The following IL15 variants were observed in gnomAD, a reference collection of about 807,000 sequenced individuals.
IL15 encodes the protein interleukin-15.
A neutral mutation model predicts 19.6 loss-of-function variants in IL15; 11 were observed. The observed-to-expected ratio is 0.56, with a 90% CI of 0.35 to 0.93. The LOEUF (loss-of-function observed/expected upper bound fraction) is 0.93. Among genes scored for constraint, IL15 ranks in the 40% least tolerant of loss-of-function variants. The probability of loss-of-function intolerance (pLI) is 0.01; values close to 1 mark genes in which losing one functional copy is unlikely to be tolerated. For missense variants in IL15, 197 were observed against 186.5 expected, an observed-to-expected ratio of 1.06 and a Z score of -0.33; for synonymous variants, 58 against 59.6, an observed-to-expected ratio of 0.97 and a Z score of 0.12.
At chr4:141,666,437 C>A (rs886383853) in intron 2 of IL15, among the ~76,000 whole-genome samples, 2 of 152,184 alleles carry the variant, frequency 1.3e-5, no homozygotes, top group African/African-American at 4.8e-5. Flanking sequence ...CCCAGTGCAG[C>A]CTTGACCTCC....
intron 5 of IL15, 67 bp from the exon 6 acceptor site, chr4:141,727,873 A>G: frequency 1.4e-6 from 1 of 737,562 alleles, no homozygotes; most frequent in Non-Finnish European, 2.4e-6. Context: ...TGTTTTCAGT[A>G]GGTTGTTCTC....
At chr4:141,676,800 G>A in intron 2 of IL15, among the ~76,000 whole-genome samples, 1 of 151,496 alleles carries the variant, frequency 6.6e-6, no homozygotes. Flanking sequence ...ATGGGGTAAA[G>A]GATTTCAGGA....
intron 1 of IL15, among the ~76,000 whole-genome samples, chr4:141,651,558 C>G (rs1727407254): frequency 6.6e-6 from 1 of 152,012 alleles, no homozygotes; most frequent in African/African-American, 2.4e-5. Flanking sequence ...AACAAAACTG[C>G]CTTTGTATGC....
intron 2 of IL15, among the ~76,000 whole-genome samples, chr4:141,708,619 GAA>G (rs1729604003): frequency 6.6e-6 from 1 of 152,106 alleles, no homozygotes; most frequent in Middle Eastern, 3.2e-3. Flanking sequence ...CCCATAAGAA[GAA>G]GTCTCCCTGA....
At chr4:141,641,502 T>A (rs1727040856) in intron 1 of IL15, among the ~76,000 whole-genome samples, 1 of 152,080 alleles carries the variant, frequency 6.6e-6, no homozygotes, top group African/African-American at 2.4e-5. Flanking sequence ...CATAGAATAC[T>A]ATGCAGCCAT....
chr4:141,675,162 C>A (rs1263169520), intron 2 of IL15, among the ~76,000 whole-genome samples: 11 of 150,122 alleles, frequency 7.3e-5, no homozygotes, highest in South Asian at 2.1e-4. Flanking sequence ...AAAAAAAAAA[C>A]CAGATGAACA....
At chr4:141,725,803 G>A (rs1238397121) in intron 5 of IL15, among the ~76,000 whole-genome samples, 1 of 152,090 alleles carries the variant, frequency 6.6e-6, no homozygotes, top group East Asian at 1.9e-4. Flanking sequence ...TGAGTTTTCT[G>A]TTGCTTATAA....
chr4:141,721,133 C>A, intron 4 of IL15: 3 of 1,507,734 alleles, frequency 2.0e-6, no homozygotes, highest in Non-Finnish European at 2.7e-6. Context: ...TTCAGTTTTA[C>A]TCTACTAATG....
chr4:141,649,423 C>A (rs1483001343), intron 1 of IL15, among the ~76,000 whole-genome samples: 4 of 151,984 alleles, frequency 2.6e-5, no homozygotes, highest in Non-Finnish European at 5.9e-5. Context: ...CAGGGACTAC[C>A]AGTAGGAAGT....
At chr4:141,661,804 G>A (rs1168936610) in intron 2 of IL15, among the ~76,000 whole-genome samples, 1 of 151,468 alleles carries the variant, frequency 6.6e-6, no homozygotes, top group African/African-American at 2.4e-5. Flanking sequence ...TTTTGTTATT[G>A]TTGTTGTTGC....
intron 2 of IL15, chr4:141,714,623 G>C (rs1190255635): frequency 6.6e-6 from 1 of 152,274 alleles, no homozygotes; most frequent in Non-Finnish European, 1.5e-5. Context: ...CCACTGGTCA[G>C]TGCTGAAACT....
chr4:141,720,479 T>G lies in IL15; in HGVS notation c.23T>G (p.Leu8Trp). Residue 8 changes from leucine (L) to tryptophan (W), a missense_variant, in exon 4 of 8, where the codon TTG becomes TGG. Leu to Trp is a moderately conservative substitution (Grantham distance 61). Transcript: ENST00000320650. MRISKPH[L>W]RSISIQCYLC... ...GATTATATTTTTCAGAAACCACATTTGAGAAGTATTTCCATCCAGTGCTAC... is the reference window on the plus strand; with the variant it reads ...GATTATATTTTTCAGAAACCACATTGGAGAAGTATTTCCATCCAGTGCTAC... 1.3e-6 allele frequency: 2 copies of G among 1,567,858 alleles called. No homozygotes were observed. The highest frequency in any genetic ancestry group is 1.8e-6 in the Non-Finnish European group (2 of 1,139,742).
intron 2 of IL15, among the ~76,000 whole-genome samples, chr4:141,694,682 G>A (rs1399438152): frequency 6.6e-6 from 1 of 152,102 alleles, no homozygotes; most frequent in Non-Finnish European, 1.5e-5. Flanking sequence ...TCAATAGGCA[G>A]GTGTATTTCA....
At chr4:141,653,132 G>A (rs1727466987) in intron 1 of IL15, among the ~76,000 whole-genome samples, 1 of 151,958 alleles carries the variant, frequency 6.6e-6, no homozygotes, top group Non-Finnish European at 1.5e-5. Flanking sequence ...AGGCACCACT[G>A]GAAAATTGTT....
At chr4:141,715,045 C>T (rs1729828224) in intron 2 of IL15, 1 of 152,164 alleles carries the variant, frequency 6.6e-6, no homozygotes. Context: ...CAGCTGTGTC[C>T]AAGGCTTGCT....
intron 2 of IL15, among the ~76,000 whole-genome samples, chr4:141,681,964 A>G (rs1442151156): frequency 6.6e-6 from 1 of 152,182 alleles, no homozygotes; most frequent in Non-Finnish European, 1.5e-5. Context: ...TTAATTCACA[A>G]ACTTATAGCT....
At chr4:141,637,457 C>T (rs918534767) in intron 1 of IL15, among the ~76,000 whole-genome samples, 2 of 151,674 alleles carry the variant, frequency 1.3e-5, no homozygotes, top group African/African-American at 4.8e-5. Flanking sequence ...CTTAGAGAAG[C>T]GATAGTGTAT....
intron 1 of IL15, among the ~76,000 whole-genome samples, chr4:141,645,018 A>G (rs909242287): frequency 6.6e-6 from 1 of 151,994 alleles, no homozygotes; most frequent in African/African-American, 2.4e-5. Flanking sequence ...AATTTTTGCT[A>G]TTCTTTGCAG....
At chr4:141,664,390 C>CACAA (rs1553987455) in intron 2 of IL15, among the ~76,000 whole-genome samples, 2 of 139,562 alleles carry the variant, frequency 1.4e-5, no homozygotes, top group African/African-American at 5.3e-5. Context: ...CACACACACA[C>CACAA]AAAACCAACA....
Sources: allele counts gnomAD v4.1 joint callset (sites outside exome capture counted in the v4.1 genomes callset), GRCh38; gene constraint gnomAD v4.1.1; transcripts MANE v1.5; gene names NCBI Gene and HGNC (gene_info 2026-07-23, HGNC 2026-07-21).